Variants in CAST observed in about 807,000 individuals in gnomAD.
CAST encodes the protein calpastatin.
CAST carries 76 observed loss-of-function variants against 119.6 expected under a neutral mutation model. That is an observed-to-expected ratio of 0.64 (90% CI 0.53 to 0.77). CAST has a LOEUF of 0.77. Ranked by LOEUF, CAST falls within the 30% of genes least tolerant of loss-of-function variation. The probability of loss-of-function intolerance (pLI) is 0.00; values close to 1 mark genes in which losing one functional copy is unlikely to be tolerated. For synonymous variants in CAST, 319 were observed against 331.6 expected (o/e 0.96, Z 0.41); for missense variants, 953 against 946.5 (o/e 1.01, Z -0.09).
the CAST span, among the ~76,000 whole-genome samples, chr5:96,203,262 T>A: frequency 0.042 from 6,395 of 152,054 alleles, 465 homozygotes; most frequent in African/African-American, 0.15. Flanking sequence ...TATTGGGCAT[T>A]TAGGTTGCTT....
chr5:96,278,162 T>C, the CAST span, among the ~76,000 whole-genome samples: 1 of 152,072 alleles, frequency 6.6e-6, no homozygotes, highest in Non-Finnish European at 1.5e-5. Flanking sequence ...AGGTTAGGGA[T>C]GAAGAAGAAG....
the CAST span, chr5:96,397,430 G>C: frequency 6.2e-7 from 1 of 1,612,250 alleles, no homozygotes; most frequent in South Asian, 1.1e-5. Context: ...ATTAGGAGAT[G>C]TATCCCGTTC....
chr5:96,206,802 C>T, the CAST span, among the ~76,000 whole-genome samples: 8 of 151,892 alleles, frequency 5.3e-5, no homozygotes, highest in Non-Finnish European at 8.8e-5. Context: ...CATATTAGTT[C>T]TCTATGAAGT....
At chr5:96,649,461 T>C (rs541139874) in intron 1 of CAST, among the ~76,000 whole-genome samples, 9 of 152,340 alleles carry the variant, frequency 5.9e-5, no homozygotes, top group African/African-American at 1.7e-4. Context: ...GGATCCATTG[T>C]TTGTCATCTT....
At chr5:96,759,530 A>G (rs1767222428) in intron 24 of CAST, among the ~76,000 whole-genome samples, 1 of 152,122 alleles carries the variant, frequency 6.6e-6, no homozygotes, top group African/African-American at 2.4e-5. Context: ...CTAAATGCTT[A>G]TTGAATTTTA....
the CAST span, among the ~76,000 whole-genome samples, chr5:96,329,751 C>T: frequency 2.0e-5 from 3 of 152,310 alleles, no homozygotes; most frequent in Admixed American, 6.5e-5. Context: ...TCTTTGTTAA[C>T]AAATAATTCC....
At chr5:96,686,620 C>A (rs1315658574) in intron 2 of CAST, among the ~76,000 whole-genome samples, 2 of 152,048 alleles carry the variant, frequency 1.3e-5, no homozygotes, top group Non-Finnish European at 2.9e-5. Context: ...TAGAAGGTTT[C>A]CATTGTACTG....
At chr5:96,049,560 C>T in the CAST span, among the ~76,000 whole-genome samples, 1 of 152,100 alleles carries the variant, frequency 6.6e-6, no homozygotes, top group Non-Finnish European at 1.5e-5. Context: ...GAGGGAGTTG[C>T]CTTACTTCTC....
At chr5:96,480,818 G>C in the CAST span, among the ~76,000 whole-genome samples, 1 of 152,190 alleles carries the variant, frequency 6.6e-6, no homozygotes, top group South Asian at 2.1e-4. Flanking sequence ...TTTTGAAGCA[G>C]TTTCAGTGAA....
At chr5:96,066,958 C>T in the CAST span, among the ~76,000 whole-genome samples, 1 of 152,120 alleles carries the variant, frequency 6.6e-6, no homozygotes, top group East Asian at 1.9e-4. Flanking sequence ...TAAGTCACTG[C>T]ACCCAGCCCT....
the CAST span, among the ~76,000 whole-genome samples, chr5:96,178,430 T>C: frequency 6.6e-6 from 1 of 152,228 alleles, no homozygotes; most frequent in Non-Finnish European, 1.5e-5. Context: ...AATCTTAAGA[T>C]TGTATTCACT....
the CAST span, among the ~76,000 whole-genome samples, chr5:96,482,089 A>T: frequency 6.6e-6 from 1 of 152,094 alleles, no homozygotes; most frequent in Admixed American, 6.6e-5. Context: ...CACCCTTATG[A>T]TATAATCTCT....
intron 2 of CAST, among the ~76,000 whole-genome samples, chr5:96,684,018 T>G (rs1751756301): frequency 6.6e-6 from 1 of 152,228 alleles, no homozygotes; most frequent in Admixed American, 6.5e-5. Context: ...GCTATTGATC[T>G]GTGGTTTCTA....
chr5:95,979,352 G>T, the CAST span, among the ~76,000 whole-genome samples: 1 of 152,040 alleles, frequency 6.6e-6, no homozygotes, highest in Non-Finnish European at 1.5e-5. Flanking sequence ...CACCTTCCTA[G>T]ACAAAATAAC....
chr5:96,313,144 T>G, the CAST span, among the ~76,000 whole-genome samples: 1 of 152,170 alleles, frequency 6.6e-6, no homozygotes. Context: ...AAGATACTGC[T>G]TTCTTCAACT....
the CAST span, among the ~76,000 whole-genome samples, chr5:96,021,679 T>C: frequency 5.1e-4 from 77 of 152,238 alleles, no homozygotes; most frequent in Admixed American, 1.6e-3. Flanking sequence ...ATCTCCTGAC[T>C]TTGTAATCCT....
At chr5:96,704,698 G>A (rs967015564) in intron 3 of CAST, among the ~76,000 whole-genome samples, 1 of 152,076 alleles carries the variant, frequency 6.6e-6, no homozygotes, top group African/African-American at 2.4e-5. Context: ...ACGAATCTGG[G>A]ATATCTGTTT....
chr5:96,173,169 C>T, the CAST span, among the ~76,000 whole-genome samples: 1 of 152,112 alleles, frequency 6.6e-6, no homozygotes, highest in African/African-American at 2.4e-5. Flanking sequence ...ACTCCCCAAA[C>T]ATGGGAAAGA....
chr5:96,390,492 C>T, the CAST span: 2 of 152,478 alleles, frequency 1.3e-5, no homozygotes, highest in East Asian at 3.8e-4. Context: ...AACTCAGCTA[C>T]ATGTTGTATT....
Sources: gnomAD v4.1 joint callset for allele counts (sites outside exome capture counted in the v4.1 genomes callset) on GRCh38, gnomAD v4.1.1 for gene constraint, MANE v1.5 for transcripts, NCBI Gene and HGNC (gene_info 2026-07-23, HGNC 2026-07-21) for gene names.